The following COLGALT2 variants were observed in gnomAD, a reference collection of about 807,000 sequenced individuals.
COLGALT2 encodes collagen beta(1-O)galactosyltransferase 2.
In COLGALT2, 49 loss-of-function variants were observed where a neutral mutation model predicts 73.4. The observed-to-expected ratio is 0.67, with a 90% confidence interval of 0.53 to 0.85. The LOEUF (loss-of-function observed/expected upper bound fraction) is 0.85. Ranked by LOEUF, COLGALT2 falls within the 40% of genes least tolerant of loss-of-function variation. The pLI, the probability that COLGALT2 is intolerant of heterozygous loss-of-function variation, is 0.00. For missense variants in COLGALT2, 722 were observed against 790.2 expected, an observed-to-expected ratio of 0.91 and a Z score of 1.03; for synonymous variants, 295 against 307.6, an observed-to-expected ratio of 0.96 and a Z score of 0.43.
At chr1:183,964,807 T>C (rs1418324975) in intron 5 of COLGALT2, among the ~76,000 whole-genome samples, 2 of 152,208 alleles carry the variant, frequency 1.3e-5, no homozygotes, top group Admixed American at 6.5e-5. Context: ...TACACATCAT[T>C]GGTCAGCAAT....
rs376338591 is a variant in COLGALT2, at chr1:183,969,475, T to C, written c.628-2A>G. On this transcript the variant is annotated splice_acceptor_variant, in intron 4 of 11. Transcript: ENST00000361927. LOFTEE classifies it high-confidence loss of function. ...GTCTGGGGTCCTCTTATAGAAGCCC[T>C]GTAAAAGAGCAAATAGGTGGGTTGT... 2 of 1,602,560 alleles carry C rather than the reference T, an allele frequency of 1.2e-6. No individual in the cohort carries two copies. Among genetic ancestry groups the C allele is most frequent in the Non-Finnish European group, 8.5e-7 (1 of 1,174,612 alleles).
chr1:183,975,312 C>T (rs1157801968), intron 2 of COLGALT2, 98 bp from the exon 3 acceptor site: 3 of 645,388 alleles, frequency 4.6e-6, no homozygotes, highest in Non-Finnish European at 7.8e-6. Context: ...CTATCAATCC[C>T]AGGAAGTAGA....
chr1:184,011,263 G>A (rs1419668983), intron 1 of COLGALT2, among the ~76,000 whole-genome samples: 1 of 152,276 alleles, frequency 6.6e-6, no homozygotes. Context: ...TGCCAGCCCC[G>A]TGGTTTGCTT....
chr1:183,952,167 A>C (rs1024508507), intron 7 of COLGALT2, among the ~76,000 whole-genome samples: 1 of 152,238 alleles, frequency 6.6e-6, no homozygotes, highest in African/African-American at 2.4e-5. Flanking sequence ...CTTTACACGT[A>C]AATCAATGTT....
At chr1:183,949,319 A>G (rs746486128) in intron 8 of COLGALT2, among the ~76,000 whole-genome samples, 2 of 152,228 alleles carry the variant, frequency 1.3e-5, no homozygotes, top group Non-Finnish European at 2.9e-5. Context: ...TGAAGGACTC[A>G]TACTTCTTAA....
intron 9 of COLGALT2, 32 bp from the exon 10 acceptor site, chr1:183,944,355 T>C (rs1670193755): frequency 6.3e-7 from 1 of 1,587,404 alleles, no homozygotes; most frequent in Non-Finnish European, 8.5e-7. Context: ...AGATACCCTA[T>C]GAAAAGTTTG....
chr1:183,939,066 G>A, intron 11 of COLGALT2, 29 bp from the exon 12 acceptor site: 4 of 1,574,886 alleles, frequency 2.5e-6, no homozygotes, highest in Non-Finnish European at 2.6e-6. Context: ...CCGGACACAT[G>A]AGGGGGCGGA....
intron 1 of COLGALT2, among the ~76,000 whole-genome samples, chr1:183,980,657 G>A (rs561191342): frequency 6.6e-6 from 1 of 152,038 alleles, no homozygotes; most frequent in Non-Finnish European, 1.5e-5. Flanking sequence ...TATACAGCTT[G>A]TTATCCAGAG....
intron 6 of COLGALT2, among the ~76,000 whole-genome samples, chr1:183,963,471 C>G (rs1447161059): frequency 1.3e-5 from 2 of 152,290 alleles, no homozygotes; most frequent in Non-Finnish European, 2.9e-5. Context: ...GTCATAACTA[C>G]TGTGGCTGTA....
At chr1:183,999,116 T>C (rs1671847626) in intron 1 of COLGALT2, among the ~76,000 whole-genome samples, 1 of 152,152 alleles carries the variant, frequency 6.6e-6, no homozygotes, top group Non-Finnish European at 1.5e-5. Context: ...TTTCTTATTG[T>C]TTTGTTTTGT....
chr1:183,976,723 C>A (rs1238958536), intron 2 of COLGALT2, among the ~76,000 whole-genome samples: 2 of 151,930 alleles, frequency 1.3e-5, no homozygotes, highest in East Asian at 3.9e-4. Flanking sequence ...AAAGAACTTA[C>A]AACTTATTTA....
chr1:183,993,998 T>A (rs1191451238), intron 1 of COLGALT2, among the ~76,000 whole-genome samples: 2 of 144,932 alleles, frequency 1.4e-5, no homozygotes, highest in Non-Finnish European at 3.0e-5. Context: ...TTCAGTAAAA[T>A]AAGTCACACT....
chr1:184,021,943 C>A (rs1435860905), intron 1 of COLGALT2, among the ~76,000 whole-genome samples: 1 of 152,118 alleles, frequency 6.6e-6, no homozygotes, highest in Non-Finnish European at 1.5e-5. Context: ...AATTCTTCTA[C>A]CAAAAATGAT....
At chr1:183,959,969 A>G (rs1670653779) in intron 6 of COLGALT2, among the ~76,000 whole-genome samples, 1 of 152,028 alleles carries the variant, frequency 6.6e-6, no homozygotes, top group Admixed American at 6.6e-5. Context: ...CCAAATATTC[A>G]TATGGCTGCT....
In COLGALT2 at chr1:183,942,184, G is replaced by A. The variant is rs201583224; in HGVS notation, c.1398-1397C>T. Among the ~76,000 whole-genome samples the A allele has an allele frequency of 1.8e-4, 28 of 152,076 alleles. No individual in the cohort carries two copies. In the East Asian group the frequency reaches 5.2e-3, roughly 28 times the overall value. ...AGGATGGTCTCGATCTCCTGACCTCGTGATCCACCCGCCTCGGCCTCCCAA... is the reference window on the plus strand; with the variant it reads ...AGGATGGTCTCGATCTCCTGACCTCATGATCCACCCGCCTCGGCCTCCCAA... On this transcript the variant is annotated intron_variant, in intron 10 of 11. Coordinates refer to ENST00000361927, the MANE Select transcript of COLGALT2 (RefSeq NM_015101.4).
intron 1 of COLGALT2, among the ~76,000 whole-genome samples, chr1:183,986,133 T>C (rs10797926): frequency 0.078 from 11,857 of 152,208 alleles, 813 homozygotes; most frequent in East Asian, 0.4. Context: ...GCCAATTGAT[T>C]CTTCTTTCTT....
chr1:184,010,883 A>T (rs911305805), intron 1 of COLGALT2, among the ~76,000 whole-genome samples: 2 of 152,170 alleles, frequency 1.3e-5, no homozygotes, highest in Non-Finnish European at 2.9e-5. Flanking sequence ...ATAAAGGATC[A>T]TCGGCTCCTG....
chr1:184,016,923 G>A (rs999780059), intron 1 of COLGALT2, among the ~76,000 whole-genome samples: 22 of 152,072 alleles, frequency 1.4e-4, no homozygotes, highest in African/African-American at 5.1e-4. Flanking sequence ...AGAAAGAAAA[G>A]CAATATAATT....
chr1:183,976,500 G>T (rs1465805845), intron 2 of COLGALT2, among the ~76,000 whole-genome samples: 4 of 151,440 alleles, frequency 2.6e-5, no homozygotes, highest in African/African-American at 7.3e-5. Flanking sequence ...GACTTCTCTG[G>T]GGAAGAAATT....
Sources: gnomAD v4.1 joint callset for allele counts (sites outside exome capture counted in the v4.1 genomes callset) on GRCh38, gnomAD v4.1.1 for gene constraint, MANE v1.5 for transcripts, NCBI Gene and HGNC (gene_info 2026-07-23, HGNC 2026-07-21) for gene names.